SLC22A25: variants seen among roughly 807,000 people sequenced by gnomAD.
SLC22A25 encodes MGI:2442751, MGI:2385316, MGI:3042283, MGI:3645714, MGI:3605624, MGI:2442750.
SLC22A25 carries 44 observed loss-of-function variants against 45.9 expected under a neutral mutation model. The ratio of observed to expected loss-of-function variants is 0.96; its 90% CI spans 0.75 to 1.23. The LOEUF (loss-of-function observed/expected upper bound fraction) is 1.23, where lower values mean the gene tolerates loss of function less well. Ranked by LOEUF, SLC22A25 falls within the 50% of genes most tolerant of loss-of-function variation. The pLI is 0.00. For synonymous variants in SLC22A25, 283 were observed against 238.6 expected, an observed-to-expected ratio of 1.19 and a Z score of -1.72; for missense variants, 800 against 666.4, an observed-to-expected ratio of 1.20 and a Z score of -2.21.
At chr11:63,229,205 A>G in intron 4 of SLC22A25, 46 bp downstream of exon 4, 4 of 1,469,850 alleles carry the variant, frequency 2.7e-6, no homozygotes, top group Non-Finnish European at 3.6e-6. Flanking sequence ...GTGTTATTCT[A>G]AACAGCCAGG....
Position 63,183,778 on chromosome 11 carries a change from G to T in SLC22A25, c.870C>A (p.Asn290Lys), listed in dbSNP as rs1430826247. The change falls in exon 8 of 12, where the codon AAC (asparagine) becomes AAA (lysine). Residue 290 changes from asparagine (N) to lysine (K), a missense_variant. By Grantham distance (94) the Asn-to-Lys change is moderately conservative. Coordinates refer to ENST00000306494, the MANE Select transcript of SLC22A25 (RefSeq NM_199352.6). ...AESARWLIIN[N>K]KPEEGLKELR... The stretch of plus-strand genomic sequence containing the variant: ...GTTCCTTTAAGCCCTCTTCTGGTTT[G>T]TTGTTGATAATGAGCCACCGAGCAG... The T allele has an allele frequency of 1.2e-6, 2 of 1,613,128 alleles. No homozygotes were observed. The highest frequency in any genetic ancestry group is 1.7e-5 in the Admixed American group (1 of 59,904).
chr11:63,232,763 T>C (rs952662627), intron 3 of SLC22A25, among the ~76,000 whole-genome samples: 2 of 152,236 alleles, frequency 1.3e-5, no homozygotes, highest in African/African-American at 2.4e-5. Context: ...TGTTATTCAC[T>C]GTGGGTTTGT....
In SLC22A25 at chr11:63,185,066, C is replaced by T. The variant is rs571954327; in HGVS notation, c.831-1249G>A. Among the ~76,000 whole-genome samples the T allele has an allele frequency of 2.3e-4, 35 of 152,234 alleles. No individual in the cohort carries two copies. The South Asian group carries it at 4.4e-3, about 19-fold the overall frequency. On this transcript the variant is annotated intron_variant, in intron 7 of 11. Transcript: ENST00000306494. ...ACAGACAAAATATCATAGAGTAGAA[C>T]GTAACTGACCTGATAAAGCTGAAAA... is the stretch of plus-strand genomic sequence containing the variant.
At chr11:63,183,575 T>G in intron 8 of SLC22A25, 119 bp downstream of exon 8, 1 of 1,280,226 alleles carries the variant, frequency 7.8e-7, no homozygotes, top group Non-Finnish European at 1.1e-6. Context: ...GATCGTGAGG[T>G]GAGATGACCC....
chr11:63,237,495 T>A (rs2090184596), intron 3 of SLC22A25, among the ~76,000 whole-genome samples: 1 of 152,134 alleles, frequency 6.6e-6, no homozygotes, highest in Non-Finnish European at 1.5e-5. Flanking sequence ...ACAAAGTTAC[T>A]CATCAGATGC....
intron 3 of SLC22A25, among the ~76,000 whole-genome samples, chr11:63,233,545 G>A (rs914192403): frequency 6.6e-6 from 1 of 152,018 alleles, no homozygotes; most frequent in Non-Finnish European, 1.5e-5. Context: ...TATTAGTCCT[G>A]CTAGCAGTCT....
chr11:63,210,146 T>C (rs2089518707), intron 7 of SLC22A25, among the ~76,000 whole-genome samples: 1 of 152,086 alleles, frequency 6.6e-6, no homozygotes, highest in African/African-American at 2.4e-5. Context: ...AAAACCAAAA[T>C]ATGATAAAAA....
At chr11:63,198,174 G>C (rs2089118592) in intron 7 of SLC22A25, among the ~76,000 whole-genome samples, 1 of 152,096 alleles carries the variant, frequency 6.6e-6, no homozygotes, top group Admixed American at 6.6e-5. Flanking sequence ...GGTGATTCCT[G>C]AAGGATCTAG....
chr11:63,216,109 C>A (rs1193507753), intron 7 of SLC22A25, among the ~76,000 whole-genome samples: 1 of 152,058 alleles, frequency 6.6e-6, no homozygotes, highest in East Asian at 1.9e-4. Context: ...ATATGACCGA[C>A]TATTATGAAA....
chr11:63,216,162 C>T (rs2089705148), intron 7 of SLC22A25, among the ~76,000 whole-genome samples: 1 of 152,084 alleles, frequency 6.6e-6, no homozygotes, highest in Non-Finnish European at 1.5e-5. Flanking sequence ...GCAAATCAAA[C>T]CACAATGAGA....
chr11:63,163,652 G>T lies in SLC22A25; in HGVS notation c.*172C>A. The T allele has an allele frequency of 1.0e-6, 1 of 958,142 alleles. No individual in the cohort carries two copies. Among genetic ancestry groups the T allele is most frequent in the Non-Finnish European group, 1.5e-6 (1 of 674,576 alleles). 59.4% of individuals were successfully genotyped at this position (958,142 alleles called of 1,614,324 possible). A position where few individuals can be genotyped will look rare whatever the true frequency, so the allele number is the denominator to read the frequency against. On this transcript the variant is annotated 3_prime_UTR_variant, in exon 12 of 12. Coordinates refer to ENST00000306494, the MANE Select transcript of SLC22A25 (RefSeq NM_199352.6). The stretch of plus-strand genomic sequence containing the variant: ...CACAAATTAACCTCCTGGACAGGCT[G>T]GGCAGAGATGGTCTGTGTGATCTAG...
chr11:63,208,553 A>G (rs539652002), intron 7 of SLC22A25, among the ~76,000 whole-genome samples: 1 of 152,266 alleles, frequency 6.6e-6, no homozygotes, highest in East Asian at 1.9e-4. Flanking sequence ...GTCCTGGGGT[A>G]GGAGTGGTGT....
chr11:63,231,615 G>A (rs145472279), intron 3 of SLC22A25, among the ~76,000 whole-genome samples: 3,232 of 152,164 alleles, frequency 0.021, 78 homozygotes, highest in African/African-American at 0.062. Flanking sequence ...CACTCTGATG[G>A]TAGTTTCTTT....
chr11:63,164,476 T>C, intron 11 of SLC22A25, 50 bp downstream of exon 11: 1 of 1,496,960 alleles, frequency 6.7e-7, no homozygotes, highest in Non-Finnish European at 9.3e-7. Flanking sequence ...TGTCAATTGG[T>C]TGAGACAGGT....
chr11:63,213,401 G>A (rs1402327828), intron 7 of SLC22A25, among the ~76,000 whole-genome samples: 1 of 152,162 alleles, frequency 6.6e-6, no homozygotes, highest in East Asian at 1.9e-4. Context: ...CAGTTGTTGG[G>A]CTGTTGGCAT....
chr11:63,176,842 A>G (rs890988049), intron 9 of SLC22A25, among the ~76,000 whole-genome samples: 3 of 152,036 alleles, frequency 2.0e-5, no homozygotes, highest in Admixed American at 6.6e-5. Flanking sequence ...TTCCTTTACC[A>G]GTAAGCCTTA....
intron 9 of SLC22A25, among the ~76,000 whole-genome samples, chr11:63,172,348 G>A (rs924162523): frequency 1.3e-5 from 2 of 152,140 alleles, no homozygotes; most frequent in Non-Finnish European, 2.9e-5. Flanking sequence ...TATCATCAGA[G>A]TGAACAGGCA....
intron 5 of SLC22A25, among the ~76,000 whole-genome samples, chr11:63,224,792 A>G (rs942068609): frequency 2.8e-4 from 28 of 101,720 alleles, no homozygotes; most frequent in African/African-American, 1.1e-3. Flanking sequence ...TTATTGTACT[A>G]TCTATATCTT....
At chr11:63,231,765 G>T (rs1233983086) in intron 3 of SLC22A25, among the ~76,000 whole-genome samples, 1 of 152,118 alleles carries the variant, frequency 6.6e-6, no homozygotes, top group Non-Finnish European at 1.5e-5. Context: ...TATGGTTTTA[G>T]GTCAAAGATT....
Sources: allele counts gnomAD v4.1 joint callset (sites outside exome capture counted in the v4.1 genomes callset), GRCh38; gene constraint gnomAD v4.1.1; transcripts MANE v1.5; gene names NCBI Gene and HGNC (gene_info 2026-07-23, HGNC 2026-07-21).